The following IGSF1 variants were observed in gnomAD, a reference collection of about 807,000 sequenced individuals.
IGSF1 encodes the protein immunoglobulin-like domain-containing protein 1.
In IGSF1, 40 loss-of-function variants were observed where a neutral mutation model predicts 95.3. That is an observed-to-expected ratio of 0.42 (90% CI 0.33 to 0.55). IGSF1 has a LOEUF of 0.55. Ranked by LOEUF, IGSF1 falls within the 20% of genes least tolerant of loss-of-function variation. The pLI is 0.10. For missense variants in IGSF1, 906 were observed against 1,025.4 expected, an observed-to-expected ratio of 0.88 and a Z score of 1.59; for synonymous variants, 372 against 382.9, an observed-to-expected ratio of 0.97 and a Z score of 0.33.
rs764495160 is a variant in IGSF1 at position 131,273,989 on chromosome X, C to T, written c.3876-58G>A. ...ACCCAGAAACTGAAAACAGATTGCA[C>T]GGTGGGGCTCAGATACTAGGGGAGC... is the stretch of plus-strand genomic sequence containing the variant. On this transcript the variant is annotated intron_variant, in intron 19 of 19. Coordinates refer to ENST00000361420, the MANE Select transcript of IGSF1 (RefSeq NM_001555.5). 3.0e-4 allele frequency: 358 copies of T among 1,198,096 alleles called. 3 individuals are homozygous for T. The African/African-American group carries it at 3.3e-3, about 11-fold the overall frequency.
intron 9 of IGSF1, among the ~76,000 whole-genome samples, 166 bp from the exon 10 acceptor site, chrX:131,279,507 G>A (rs1273110596): frequency 1.8e-5 from 2 of 110,369 alleles, no homozygotes; most frequent in East Asian, 5.8e-4. Context: ...TTTTCTTTTT[G>A]AGGGCCTTAC....
rs749815285 is a variant in IGSF1, at chrX:131,282,511, G to A, written c.1179C>T (p.His393=). 1 of 1,201,741 alleles carries A rather than the reference G, an allele frequency of 8.3e-7. No individual in the cohort carries two copies. Among genetic ancestry groups the A allele is most frequent in the Non-Finnish European group, 1.1e-6 (1 of 886,064 alleles). ...TGGAGGTCTTCCAGGTGAGAAGATA[G>A]TGGCAGCTATAGATGCCAGTATCAC... ...TYSDTGIYSC[H]YLLTWKTSIR... is the part of the protein sequence containing the mutation. Residue 393 remains histidine (H), a synonymous_variant, in exon 7 of 20, where the codon CAC becomes CAT. Coordinates refer to ENST00000361420, the MANE Select transcript of IGSF1 (RefSeq NM_001555.5).
intron 9 of IGSF1, 115 bp downstream of exon 9, chrX:131,281,103 C>T (rs2080551712): frequency 2.4e-6 from 2 of 847,885 alleles, no homozygotes; most frequent in Non-Finnish European, 3.4e-6. Context: ...GTTCCCTAAG[C>T]CCAGAAGATA....
rs952140031 is a variant in IGSF1, at chrX:131,284,951, C to G, written c.667+228G>C. 38 of 729,052 alleles carry G rather than the reference C, an allele frequency of 5.2e-5. 1 individual carries two copies. In the African/African-American group the frequency reaches 7.3e-4, roughly 14 times the overall value. The allele number at this position is 729,052 out of a possible 1,213,427, so 60.1% of individuals were successfully genotyped here. ...GCTGTGATGAGCTGAAGCTGCTGGC[C>G]AGTTGGCTGGGCTCCTTTACTAGCC... On this transcript the variant is annotated intron_variant, in intron 5 of 19. Transcript: ENST00000361420.
At chrX:131,287,181 A>G (rs997153060) in intron 1 of IGSF1, among the ~76,000 whole-genome samples, 7 of 102,161 alleles carry the variant, frequency 6.9e-5, no homozygotes, top group Non-Finnish European at 1.0e-4. Context: ...GTGTGTGTAT[A>G]TATATATATA....
chrX:131,279,171 C>G lies in IGSF1; in HGVS notation c.1722G>C (p.Leu574=). The G allele has an allele frequency of 8.3e-7, 1 of 1,211,177 alleles. No individual in the cohort carries two copies. The highest frequency in any genetic ancestry group is 1.1e-6 in the Non-Finnish European group (1 of 894,775). The part of the protein sequence containing the change: ...FIVTALLCCG[L]CNGVLIEETE... ...TCTCTTCTATCAATACCCCATTGCA[C>G]AGTCCTGCAAAAGAAATTGCTGCCA... The change falls in exon 11 of 20, where the codon CTG becomes CTC. Residue 574 remains leucine (L), a synonymous_variant. Transcript: ENST00000361420.
In IGSF1 at chrX:131,281,928, G is replaced by A. The variant is rs1220908498; in HGVS notation, c.1263C>T (p.Pro421=). 1 of 1,204,601 alleles carries A rather than the reference G, an allele frequency of 8.3e-7. No homozygotes were observed. The highest frequency in any genetic ancestry group is 3.0e-5 in the East Asian group (1 of 33,671). The part of the protein sequence containing the change: ...ELMVVDKPPK[P]SLSAWPSTVF... ...CAGTGCTTGGCCAAGCTGACAGGGAGGGTTTGGGGGGCTTATCTGAAACCA... is the reference window on the plus strand; with the variant it reads ...CAGTGCTTGGCCAAGCTGACAGGGAAGGTTTGGGGGGCTTATCTGAAACCA... The change falls in exon 8 of 20, where the codon CCC becomes CCT. Residue 421 remains proline, a synonymous_variant. Coordinates refer to ENST00000361420, the MANE Select transcript of IGSF1 (RefSeq NM_001555.5).
intron 14 of IGSF1, 22 bp from the exon 15 acceptor site, chrX:131,276,270 C>T: frequency 6.8e-6 from 8 of 1,178,571 alleles, no homozygotes; most frequent in Non-Finnish European, 9.1e-6. Flanking sequence ...GAGACCACAG[C>T]ATGAGATAAA....
intron 2 of IGSF1, 45 bp from the exon 3 acceptor site, chrX:131,286,508 C>T: frequency 8.4e-7 from 1 of 1,185,405 alleles, no homozygotes; most frequent in Non-Finnish European, 1.1e-6. Flanking sequence ...TTGTTGTCTC[C>T]ATCCTGTGCT....
At chrX:131,280,648 G>T (rs2080544912) in intron 9 of IGSF1, among the ~76,000 whole-genome samples, 1 of 112,082 alleles carries the variant, frequency 8.9e-6, no homozygotes, top group Non-Finnish European at 1.9e-5. Flanking sequence ...GAAACAGTCT[G>T]ATTCTGTTGC....
In IGSF1 at chrX:131,282,781, C is replaced by T. The variant is rs760283101; in HGVS notation, c.953-44G>A. On this transcript the variant is annotated intron_variant, in intron 6 of 19. Transcript: ENST00000361420. ...TAAAAAGCACTAGTGATTTCACTTC[C>T]TGCTCCCACTCCTTAAGATTCTTTT... 49 of 1,091,146 alleles carry T rather than the reference C, an allele frequency of 4.5e-5. No individual in the cohort carries two copies. The Middle Eastern group carries it at 1.4e-3, about 32-fold the overall frequency. 89.9% of individuals were successfully genotyped at this position (1,091,146 alleles called of 1,213,427 possible). A position where few individuals can be genotyped will look rare whatever the true frequency, so the allele number is the denominator to read the frequency against.
intron 11 of IGSF1, 120 bp downstream of exon 11, chrX:131,279,023 G>T: frequency 1.3e-6 from 1 of 797,551 alleles, no homozygotes; most frequent in East Asian, 3.1e-5. Flanking sequence ...TTTAGCAAGT[G>T]CCCCTTCCTG....
intron 14 of IGSF1, 105 bp from the exon 15 acceptor site, chrX:131,276,353 AT>A: frequency 1.6e-6 from 1 of 644,249 alleles, no homozygotes; most frequent in Non-Finnish European, 2.3e-6. Context: ...GTTGTTAAAA[AT>A]TAGAAAATAT....
chrX:131,288,288 G>A (rs1322201281), intron 1 of IGSF1, among the ~76,000 whole-genome samples: 2 of 112,140 alleles, frequency 1.8e-5, no homozygotes, highest in Non-Finnish European at 3.8e-5. Flanking sequence ...TTAAAAAGAT[G>A]CTTATTTTTT....
chrX:131,277,180 G>T lies in IGSF1; in HGVS notation c.2367C>A (p.Val789=). 1.7e-6 allele frequency: 2 copies of T among 1,211,242 alleles called. No individual in the cohort carries two copies. The highest frequency in any genetic ancestry group is 1.1e-6 in the Non-Finnish European group (1 of 895,150). The part of the protein sequence containing the change: ...PFFKTWASPV[V]TPGARVTFNC... The stretch of plus-strand genomic sequence containing the variant: ...TGAAAGTCACTCGGGCACCAGGGGT[G>T]ACCACAGGGCTGGCCCATGTCTTGA... Residue 789 remains valine, a synonymous_variant, in exon 14 of 20, where the codon GTC becomes GTA. Coordinates refer to ENST00000361420, the MANE Select transcript of IGSF1 (RefSeq NM_001555.5).
At position 131,275,139 on chromosome X, in the gene IGSF1, C is replaced by T; in HGVS notation, c.3332G>A (p.Arg1111Lys). 8.3e-7 allele frequency: 1 copy of T among 1,211,693 alleles called. No homozygotes were observed. Among genetic ancestry groups the T allele is most frequent in the Non-Finnish European group, 1.1e-6 (1 of 895,456 alleles). ...EGAQEPLEQQ[R>K]PSGYRADFWM... ...GAAGTCAGCCCTGTACCCACTTGGC[C>T]TCTGTTGCTCTAAAGGCTCCTGAGC... Residue 1111 changes from arginine to lysine, a missense_variant, in exon 17 of 20, where the codon AGG becomes AAG. This residue lies in a region of IGSF1 where 411 missense variants were observed against 494.9 expected (regional missense o/e 0.83). Coordinates refer to ENST00000361420, the MANE Select transcript of IGSF1 (RefSeq NM_001555.5).
chrX:131,275,015 C>G lies in IGSF1; in HGVS notation c.3456G>C (p.Leu1152=). Residue 1152 remains leucine (L), a synonymous_variant, in exon 17 of 20, where the codon CTG becomes CTC. Transcript: ENST00000361420. ...PFAASNHSDS[L]EIWVTDKPPK... ...GGACCTTACCAGTCACCCAGATCTC[C>G]AGGGAGTCACTGTGATTTGAAGCTG... The G allele has an allele frequency of 8.3e-7, 1 of 1,211,392 alleles. No homozygotes were observed. The highest frequency in any genetic ancestry group is 1.1e-6 in the Non-Finnish European group (1 of 895,099).
chrX:131,287,177 G>GTA (rs58556447), intron 1 of IGSF1, among the ~76,000 whole-genome samples: 34,170 of 97,849 alleles, frequency 0.35, 5,269 homozygotes, highest in East Asian at 0.49. Context: ...GTGTGTGTGT[G>GTA]TATATATATA....
At chrX:131,279,696 T>A (rs1022858964) in intron 9 of IGSF1, among the ~76,000 whole-genome samples, 1 of 110,814 alleles carries the variant, frequency 9.0e-6, no homozygotes, top group Non-Finnish European at 1.9e-5. Context: ...CTGGAGCTCA[T>A]TGTGATCGGC....
Sources: gnomAD v4.1 joint callset for allele counts (sites outside exome capture counted in the v4.1 genomes callset) on GRCh38, gnomAD v4.1.1 for gene constraint, gnomAD v4.1.1 regional missense constraint, MANE v1.5 for transcripts, NCBI Gene and HGNC (gene_info 2026-07-23, HGNC 2026-07-21) for gene names.